The following CACNA1C variants were observed in gnomAD, a reference collection of about 807,000 sequenced individuals.
CACNA1C encodes voltage-dependent L-type calcium channel subunit alpha-1C.
In CACNA1C, 30 loss-of-function variants were observed where a neutral mutation model predicts 229.0. The observed-to-expected ratio is 0.13, with a 90% confidence interval of 0.10 to 0.18. The LOEUF is 0.18. Ranked by LOEUF, CACNA1C falls within the 10% of genes least tolerant of loss-of-function variation. The pLI, the probability that CACNA1C is intolerant of heterozygous loss-of-function variation, is 1.00. For missense variants in CACNA1C, 1,658 were observed against 2,845.0 expected (o/e 0.58, Z 9.49); for synonymous variants, 1,114 against 1,132.5 (o/e 0.98, Z 0.33).
chr12:2,214,830 G>A (rs1333661230), intron 3 of CACNA1C, among the ~76,000 whole-genome samples: 2 of 148,686 alleles, frequency 1.3e-5, no homozygotes, highest in Admixed American at 6.7e-5. Context: ...GGACATGTGA[G>A]GTTCCTTTGA....
Position 2,651,584 on chromosome 12 carries a change from G to A in CACNA1C, c.3946-56G>A, listed in dbSNP as rs574421968. 11 of 1,613,548 alleles carry A rather than the reference G, an allele frequency of 6.8e-6. No individual in the cohort carries two copies. In the Admixed American group the frequency reaches 1.5e-4, roughly 22 times the overall value. On this transcript the variant is annotated intron_variant, in intron 31 of 46. Coordinates refer to ENST00000399655, the MANE Select transcript of CACNA1C (RefSeq NM_000719.7). The surrounding 1 kb of genome is among the most constrained non-coding windows in gnomAD (Gnocchi z 5.4). ...CTGTATTTCTCGGAGGGGCCCTCCT[G>A]TTCTCACCCCCCTCTTGCTGTGCTA...
At chr12:1,988,395 T>G (rs557623921) in intron 1 of CACNA1C, among the ~76,000 whole-genome samples, 34 of 152,302 alleles carry the variant, frequency 2.2e-4, no homozygotes, top group African/African-American at 8.2e-4. Flanking sequence ...CACATTTCAC[T>G]GGCCAAAGCA....
At chr12:2,292,979 G>C (rs2093663122) in intron 3 of CACNA1C, among the ~76,000 whole-genome samples, 1 of 151,768 alleles carries the variant, frequency 6.6e-6, no homozygotes, top group Non-Finnish European at 1.5e-5. Flanking sequence ...AAGCCCCTTG[G>C]CAACCCAGGA....
intron 1 of CACNA1C, among the ~76,000 whole-genome samples, chr12:2,045,111 G>T (rs2050834794): frequency 6.6e-6 from 1 of 152,198 alleles, no homozygotes; most frequent in Non-Finnish European, 1.5e-5. Flanking sequence ...GGGGGACTGT[G>T]AATAGAATGA....
intron 1 of CACNA1C, chr12:1,991,085 C>A (rs1373969128): frequency 2.2e-6 from 1 of 455,186 alleles, no homozygotes; most frequent in Admixed American, 2.4e-5. Context: ...TATGGAAATT[C>A]ATTAGAAACA....
At chr12:1,974,320 G>A (rs1409856669) in intron 1 of CACNA1C, among the ~76,000 whole-genome samples, 2 of 152,038 alleles carry the variant, frequency 1.3e-5, no homozygotes, top group Non-Finnish European at 2.9e-5. Context: ...TCATATCACC[G>A]CTTTTGTTCT....
chr12:2,013,236 T>G (rs1487440400), intron 1 of CACNA1C, among the ~76,000 whole-genome samples: 1 of 152,160 alleles, frequency 6.6e-6, no homozygotes, highest in Admixed American at 6.5e-5. Context: ...AGCGTTACTG[T>G]GACAACTAGA....
chr12:2,533,460 G>A (rs2099845771), intron 9 of CACNA1C, among the ~76,000 whole-genome samples: 2 of 152,218 alleles, frequency 1.3e-5, no homozygotes, highest in Non-Finnish European at 2.9e-5. Flanking sequence ...AGGAGAAACA[G>A]CAAAAGCTGA....
At chr12:2,110,774 G>A (rs1354193204) in intron 1 of CACNA1C, among the ~76,000 whole-genome samples, 1 of 152,212 alleles carries the variant, frequency 6.6e-6, no homozygotes, top group Admixed American at 6.5e-5. Context: ...GGACAGCCTA[G>A]GATTATAGAA....
At chr12:1,998,001 AG>A (rs1197063154) in intron 1 of CACNA1C, 1 of 1,593,326 alleles carries the variant, frequency 6.3e-7, no homozygotes. Context: ...AAAACACACA[AG>A]ACATGTATGT....
chr12:2,032,671 A>C (rs2048424276), intron 1 of CACNA1C, among the ~76,000 whole-genome samples: 1 of 152,212 alleles, frequency 6.6e-6, no homozygotes, highest in Non-Finnish European at 1.5e-5. Flanking sequence ...GGTGTTTATG[A>C]GTGACCTTGT....
At chr12:2,420,148 T>TGTGTGTGTGTGTGTGTGTGTGTG (rs58661833) in intron 3 of CACNA1C, among the ~76,000 whole-genome samples, 7 of 125,842 alleles carry the variant, frequency 5.6e-5, no homozygotes, top group African/African-American at 1.9e-4. Flanking sequence ...TGTGTGTGTG[T>TGTGTGTGTGTGTGTGTGTGTGTG]AGGGGGAGGG....
chr12:2,659,701 A>T (rs1325848412), intron 34 of CACNA1C, among the ~76,000 whole-genome samples: 1 of 152,236 alleles, frequency 6.6e-6, no homozygotes, highest in Admixed American at 6.5e-5. Context: ...ATGCATTTTT[A>T]AAAATAAAAG....
chr12:2,100,594 A>G (rs2076005916), intron 1 of CACNA1C, among the ~76,000 whole-genome samples: 1 of 149,072 alleles, frequency 6.7e-6, no homozygotes, highest in African/African-American at 2.5e-5. Flanking sequence ...AAAAAAAAAA[A>G]AAAAAAAAAA....
chr12:2,550,338 G>A (rs766553052), intron 10 of CACNA1C, among the ~76,000 whole-genome samples: 2 of 152,230 alleles, frequency 1.3e-5, no homozygotes, highest in Non-Finnish European at 2.9e-5. Context: ...GGGTGTGTGT[G>A]TAGGGGGCGG....
rs374232656 is a variant in CACNA1C, at chr12:2,566,768, C to G, written c.1669+186C>G. Among the ~76,000 whole-genome samples the G allele has an allele frequency of 1.3e-5, 2 of 152,174 alleles. No individual in the cohort carries two copies. Among genetic ancestry groups the G allele is most frequent in the African/African-American group, 4.8e-5 (2 of 41,438 alleles). On this transcript the variant is annotated intron_variant, in intron 12 of 46. Transcript: ENST00000399655. The surrounding 1 kb of genome is among the most constrained non-coding windows in gnomAD (Gnocchi z 4.0). ...AAAGCCCCACAATAAAATGCGCTACCTTGTTAAAAACAGACACGGCTCTCC... is the reference window on the plus strand; with the variant it reads ...AAAGCCCCACAATAAAATGCGCTACGTTGTTAAAAACAGACACGGCTCTCC...
chr12:2,426,107 G>A (rs971168480), intron 3 of CACNA1C, among the ~76,000 whole-genome samples: 1 of 152,174 alleles, frequency 6.6e-6, no homozygotes, highest in Non-Finnish European at 1.5e-5. Flanking sequence ...GAACACTGGT[G>A]AGAACTAACC....
intron 1 of CACNA1C, among the ~76,000 whole-genome samples, chr12:2,024,224 T>C (rs73042501): frequency 0.092 from 13,940 of 152,160 alleles, 735 homozygotes; most frequent in Non-Finnish European, 0.12. Flanking sequence ...TATGAGAAAA[T>C]TGCATAAGGG....
At chr12:2,645,192 A>G (rs1330116998) in intron 30 of CACNA1C, among the ~76,000 whole-genome samples, 1 of 152,214 alleles carries the variant, frequency 6.6e-6, no homozygotes, top group Non-Finnish European at 1.5e-5. Context: ...TGTTCAGGTT[A>G]TGTAAGCAGC....
Sources: allele counts gnomAD v4.1 joint callset (sites outside exome capture counted in the v4.1 genomes callset), GRCh38; gene constraint gnomAD v4.1.1; non-coding constraint Gnocchi (gnomAD v3.1); transcripts MANE v1.5; gene names NCBI Gene and HGNC (gene_info 2026-07-23, HGNC 2026-07-21).